Variants in PARD6G observed in about 807,000 individuals in gnomAD.
PARD6G encodes the protein partitioning defective 6 homolog gamma.
PARD6G carries 7 observed loss-of-function variants against 10.7 expected under a neutral mutation model. The observed-to-expected ratio is 0.66, with a 90% CI of 0.37 to 1.23. PARD6G has a LOEUF of 1.23. PARD6G is among the 50% of genes most tolerant of loss of function. The pLI is 0.02. For missense variants in PARD6G, 548 were observed against 571.8 expected, an observed-to-expected ratio of 0.96 and a Z score of 0.42; for synonymous variants, 287 against 269.4, an observed-to-expected ratio of 1.07 and a Z score of -0.64.
At chr18:80,223,122 A>T (rs1967250810) in intron 1 of PARD6G, among the ~76,000 whole-genome samples, 1 of 152,260 alleles carries the variant, frequency 6.6e-6, no homozygotes, top group African/African-American at 2.4e-5. Flanking sequence ...AAGTAACTCA[A>T]ATTGGATTAC....
chr18:80,245,210 G>T (rs1275234264), intron 1 of PARD6G, among the ~76,000 whole-genome samples: 1 of 152,196 alleles, frequency 6.6e-6, no homozygotes, highest in Admixed American at 6.5e-5. Context: ...GCAGGATGAG[G>T]CCTGGTGAGG....
chr18:80,224,071 C>A (rs1228205099), intron 1 of PARD6G, among the ~76,000 whole-genome samples: 1 of 152,148 alleles, frequency 6.6e-6, no homozygotes, highest in African/African-American at 2.4e-5. Context: ...ACCCTGACCC[C>A]AAACTACAAA....
chr18:80,169,982 CACA>C (rs1397676967), intron 2 of PARD6G: 2 of 152,258 alleles, frequency 1.3e-5, no homozygotes, highest in Non-Finnish European at 2.9e-5. Context: ...GGCATCAGGA[CACA>C]CCACGTCGGA....
intron 1 of PARD6G, among the ~76,000 whole-genome samples, chr18:80,207,730 T>C (rs1298880634): frequency 1.3e-5 from 2 of 152,200 alleles, no homozygotes; most frequent in Admixed American, 1.3e-4. Flanking sequence ...AACCCTATAC[T>C]AGTAAACAAC....
intron 1 of PARD6G, among the ~76,000 whole-genome samples, chr18:80,239,060 G>T (rs570403209): frequency 2.0e-5 from 3 of 152,248 alleles, no homozygotes; most frequent in African/African-American, 7.2e-5. Flanking sequence ...GGTTGGGGCT[G>T]GGGAGTGGAG....
chr18:80,246,753 G>A lies in PARD6G; in HGVS notation c.72+524C>T, dbSNP rs932375230. On this transcript the variant is annotated intron_variant, in intron 1 of 2. Transcript: ENST00000353265. This position sits in a 1 kb window ranked among gnomAD's most constrained non-coding sequence, Gnocchi z 6.7. ...GGGGGAGCGCGCCTGGTGCCTAGATGTTTGGTACCGAGCGGGTGGGGGACG... is the reference window on the plus strand; with the variant it reads ...GGGGGAGCGCGCCTGGTGCCTAGATATTTGGTACCGAGCGGGTGGGGGACG... Among the ~76,000 whole-genome samples the A allele has an allele frequency of 5.9e-5, 9 of 151,944 alleles. No individual in the cohort carries two copies. The highest frequency in any genetic ancestry group is 2.2e-4 in the African/African-American group (9 of 41,358).
chr18:80,217,613 A>G (rs566894075), intron 1 of PARD6G, among the ~76,000 whole-genome samples: 1 of 152,328 alleles, frequency 6.6e-6, no homozygotes, highest in East Asian at 1.9e-4. Context: ...ATAATGAGAA[A>G]CATAACAGAC....
chr18:80,215,845 C>G (rs541361294), intron 1 of PARD6G, among the ~76,000 whole-genome samples: 1 of 151,918 alleles, frequency 6.6e-6, no homozygotes, highest in South Asian at 2.1e-4. Context: ...ACACAAAACA[C>G]AAATAGAAAC....
chr18:80,243,080 T>C (rs2145309778), intron 1 of PARD6G, among the ~76,000 whole-genome samples: 1 of 152,316 alleles, frequency 6.6e-6, no homozygotes, highest in Middle Eastern at 3.4e-3. Flanking sequence ...TCAGTAAGAA[T>C]TTTGCACTGG....
intron 1 of PARD6G, among the ~76,000 whole-genome samples, chr18:80,204,830 A>G (rs1967040559): frequency 6.6e-6 from 1 of 152,142 alleles, no homozygotes; most frequent in Non-Finnish European, 1.5e-5. Context: ...ACACACCAGT[A>G]ATCCCAGCAA....
chr18:80,208,895 G>A (rs1353664422), intron 1 of PARD6G, among the ~76,000 whole-genome samples: 6 of 152,032 alleles, frequency 3.9e-5, no homozygotes, highest in Non-Finnish European at 7.4e-5. Flanking sequence ...GGGAGAGTCC[G>A]AGACCAGTCT....
In PARD6G at chr18:80,247,498, G is replaced by T. The variant is rs1967569358; in HGVS notation, c.-150C>A. 4 of 267,992 alleles carry T rather than the reference G, an allele frequency of 1.5e-5. No individual in the cohort carries two copies. The highest frequency in any genetic ancestry group is 2.3e-5 in the Non-Finnish European group (4 of 172,666). The allele number at this position is 267,992 out of a possible 1,614,324, so 16.6% of individuals were successfully genotyped here. On this transcript the variant is annotated 5_prime_UTR_variant, in exon 1 of 3. Coordinates refer to ENST00000353265, the MANE Select transcript of PARD6G (RefSeq NM_032510.4). This position sits in a 1 kb window ranked among gnomAD's most constrained non-coding sequence, Gnocchi z 4.2. ...CTCCCGGTGCTGCGGGCCCGAGCTG[G>T]GCTGGCCGCGCGCCTCAGGGACTCC...
At chr18:80,194,760 A>C (rs1257747331) in intron 2 of PARD6G, among the ~76,000 whole-genome samples, 1 of 152,148 alleles carries the variant, frequency 6.6e-6, no homozygotes, top group Non-Finnish European at 1.5e-5. Flanking sequence ...GAAGTAAAGG[A>C]TGTGAACTAG....
intron 1 of PARD6G, among the ~76,000 whole-genome samples, chr18:80,205,139 A>G (rs1386507643): frequency 6.6e-6 from 1 of 152,084 alleles, no homozygotes; most frequent in Non-Finnish European, 1.5e-5. Context: ...GCTCTCCTCT[A>G]TCTCCTGCTA....
At chr18:80,240,932 C>G (rs990342784) in intron 1 of PARD6G, among the ~76,000 whole-genome samples, 1 of 152,176 alleles carries the variant, frequency 6.6e-6, no homozygotes, top group South Asian at 2.1e-4. Context: ...CCAGCACATG[C>G]CCTATGCCTG....
rs1411111434 is a variant in PARD6G at position 80,181,551 on chromosome 18, G to A, written c.296-20945C>T. Among the ~76,000 whole-genome samples, 1 of 152,098 alleles carries A rather than the reference G, an allele frequency of 6.6e-6. No individual in the cohort carries two copies. Among genetic ancestry groups the A allele is most frequent in the African/African-American group, 2.4e-5 (1 of 41,394 alleles). ...CCCTACATCTCTGCTTCCAAAGTCC[G>A]GTAGGTGTGCCCTTCCCCTAAACTC... is the stretch of plus-strand genomic sequence containing the variant. On this transcript the variant is annotated intron_variant, in intron 2 of 2. Transcript: ENST00000353265. The surrounding 1 kb of genome is among the most constrained non-coding windows in gnomAD (Gnocchi z 7.9).
chr18:80,194,070 A>C (rs1966926612), intron 2 of PARD6G, among the ~76,000 whole-genome samples: 1 of 152,226 alleles, frequency 6.6e-6, no homozygotes, highest in Non-Finnish European at 1.5e-5. Context: ...TTTCTGGAAA[A>C]GAAAAAAGTT....
intron 2 of PARD6G, among the ~76,000 whole-genome samples, chr18:80,194,951 G>A (rs1048517912): frequency 1.3e-5 from 2 of 152,262 alleles, no homozygotes; most frequent in East Asian, 1.9e-4. Context: ...GAACAGCAGC[G>A]CCACTGTTGC....
At chr18:80,178,228 G>A (rs2052827834) in intron 2 of PARD6G, 1 of 160,942 alleles carries the variant, frequency 6.2e-6, no homozygotes, top group Non-Finnish European at 1.5e-5. Context: ...CCCGCTCCCA[G>A]TAGGTTCAGT....
Sources: gnomAD v4.1 joint callset for allele counts (sites outside exome capture counted in the v4.1 genomes callset) on GRCh38, gnomAD v4.1.1 for gene constraint, Gnocchi (gnomAD v3.1) non-coding constraint, MANE v1.5 for transcripts, NCBI Gene and HGNC (gene_info 2026-07-23, HGNC 2026-07-21) for gene names.